Variants in CYRIB observed in about 807,000 individuals in gnomAD.
The protein encoded by CYRIB is CYFIP related Rac1 interactor B.
In CYRIB, 8 loss-of-function variants were observed where a neutral mutation model predicts 44.2. The ratio of observed to expected loss-of-function variants is 0.18; its 90% CI spans 0.11 to 0.33. The LOEUF (loss-of-function observed/expected upper bound fraction) is 0.33. CYRIB is among the 10% of genes least tolerant of loss of function. The probability of loss-of-function intolerance (pLI) is 1.00; values close to 1 mark genes in which losing one functional copy is unlikely to be tolerated. For synonymous variants in CYRIB, 131 were observed against 127.2 expected (o/e 1.03, Z -0.20); for missense variants, 185 against 382.8 (o/e 0.48, Z 4.31).
At chr8:129,842,035 TA>T in exon 12 of CYRIB, 2 of 767,748 alleles carry the variant, frequency 2.6e-6, no homozygotes, top group Non-Finnish European at 4.3e-6. Flanking sequence ...AGGAAAGAAA[TA>T]AAAGCAAGAA....
At chr8:129,857,480 G>C (rs112265138) in intron 5 of CYRIB, among the ~76,000 whole-genome samples, 24 of 152,316 alleles carry the variant, frequency 1.6e-4, no homozygotes, top group African/African-American at 5.5e-4. Flanking sequence ...CAGAGGGCAA[G>C]GAGGAGGGTA....
At chr8:129,949,279 A>G (rs1290412905) in intron 2 of CYRIB, 1 of 152,190 alleles carries the variant, frequency 6.6e-6, no homozygotes, top group Non-Finnish European at 1.5e-5. Flanking sequence ...TCTCTGATCA[A>G]TTGCTTAGTT....
chr8:129,904,218 A>G lies in CYRIB; in HGVS notation c.-49-868T>C, dbSNP rs939290988. On this transcript the variant is annotated intron_variant, in intron 1 of 11. Transcript: ENST00000519824. ...AAGCCTCATGTTTTCACTCTAGCTG[A>G]GGTACCTCCTCCTGATTGTACTATC... Among the ~76,000 whole-genome samples the G allele has an allele frequency of 1.3e-5, 2 of 152,172 alleles. 1 individual carries two copies. Among genetic ancestry groups the G allele is most frequent in the South Asian group, 4.1e-4 (2 of 4,826 alleles).
chr8:129,922,046 A>G (rs1285282938), intron 1 of CYRIB, among the ~76,000 whole-genome samples: 1 of 152,222 alleles, frequency 6.6e-6, no homozygotes, highest in Non-Finnish European at 1.5e-5. Context: ...GAAATGGTTC[A>G]CAGTGGCAAC....
At chr8:129,958,872 T>C (rs1281827042) in intron 2 of CYRIB, among the ~76,000 whole-genome samples, 3 of 151,268 alleles carry the variant, frequency 2.0e-5, no homozygotes, top group East Asian at 3.9e-4. Context: ...AAGACCAGCC[T>C]GGCCAAGATG....
At chr8:129,898,787 A>G (rs1021195947) in intron 2 of CYRIB, among the ~76,000 whole-genome samples, 1 of 152,222 alleles carries the variant, frequency 6.6e-6, no homozygotes. Context: ...TGCTAAAAAG[A>G]GTCCAGCAGA....
chr8:129,971,615 G>A (rs1484141277), intron 1 of CYRIB, among the ~76,000 whole-genome samples: 6 of 152,186 alleles, frequency 3.9e-5, no homozygotes, highest in African/African-American at 1.4e-4. Flanking sequence ...AGCATATATG[G>A]TGGGGCCAGC....
intron 1 of CYRIB, among the ~76,000 whole-genome samples, chr8:129,974,002 C>G (rs4733754): frequency 1.3e-4 from 19 of 151,808 alleles, no homozygotes; most frequent in Non-Finnish European, 2.8e-4. Flanking sequence ...CCCCCACACC[C>G]GGTACTATGC....
chr8:129,903,588 T>TAAGACAACCCAG (rs1246583889), intron 1 of CYRIB, among the ~76,000 whole-genome samples: 2 of 152,196 alleles, frequency 1.3e-5, no homozygotes, highest in African/African-American at 4.8e-5. Context: ...ACAACCCAGT[T>TAAGACAACCCAG]GTCACCGTCA....
At chr8:130,012,251 T>G (rs2097240919) in intron 1 of CYRIB, among the ~76,000 whole-genome samples, 1 of 152,158 alleles carries the variant, frequency 6.6e-6, no homozygotes. Context: ...CTCGTCCATG[T>G]ACTCTTCTCG....
At chr8:129,959,982 T>C (rs1361307384) in intron 2 of CYRIB, among the ~76,000 whole-genome samples, 2 of 152,192 alleles carry the variant, frequency 1.3e-5, no homozygotes, top group Non-Finnish European at 2.9e-5. Context: ...GGGAGGATCT[T>C]AAGGAAAGGA....
chr8:129,934,234 T>C (rs902695028), intron 1 of CYRIB, among the ~76,000 whole-genome samples: 9 of 152,106 alleles, frequency 5.9e-5, no homozygotes, highest in Non-Finnish European at 7.4e-5. Flanking sequence ...AATGCCTAAC[T>C]CATGGAGGCC....
At chr8:129,844,276 T>C (rs1363802892) in intron 11 of CYRIB, 1 of 152,252 alleles carries the variant, frequency 6.6e-6, no homozygotes, top group Non-Finnish European at 1.5e-5. Context: ...AAGTTCTCGC[T>C]CCTTCTGTGG....
At chr8:129,950,534 C>T (rs2094450546) in intron 2 of CYRIB, among the ~76,000 whole-genome samples, 2 of 151,490 alleles carry the variant, frequency 1.3e-5, no homozygotes, top group South Asian at 4.2e-4. Context: ...CACGCCACTG[C>T]ACTCCAGCCT....
At position 129,938,656 on chromosome 8, in the gene CYRIB, C is replaced by T. The variant is rs75706653; in HGVS notation, c.-50+952G>A. On this transcript the variant is annotated intron_variant, in intron 1 of 11. Transcript: ENST00000519824. The stretch of plus-strand genomic sequence containing the variant: ...TGACAGATGAGACAACAAAGTCTCA[C>T]CAACAAACATTTCTACAGCAATGTA... 4.0e-3 allele frequency among the ~76,000 whole-genome samples: 611 copies of T among 152,246 alleles called. 6 individuals carry two copies. The highest frequency in any genetic ancestry group is 0.014 in the African/African-American group (574 of 41,530).
At chr8:129,977,533 T>C (rs1357966310) in intron 1 of CYRIB, among the ~76,000 whole-genome samples, 1 of 151,058 alleles carries the variant, frequency 6.6e-6, no homozygotes, top group Admixed American at 6.6e-5. Flanking sequence ...ATATTTGTCC[T>C]CACTCTTTTT....
chr8:129,965,435 T>C (rs752588240), intron 2 of CYRIB, among the ~76,000 whole-genome samples: 1 of 152,218 alleles, frequency 6.6e-6, no homozygotes, highest in Non-Finnish European at 1.5e-5. Flanking sequence ...GAATATATCC[T>C]GAAAATCATT....
intron 1 of CYRIB, among the ~76,000 whole-genome samples, chr8:130,001,168 T>C (rs2133891900): frequency 6.6e-6 from 1 of 152,310 alleles, no homozygotes; most frequent in South Asian, 2.1e-4. Context: ...TGCCTTCGTC[T>C]GTCTGCTCCG....
At chr8:130,003,074 G>A (rs1464987742) in intron 1 of CYRIB, among the ~76,000 whole-genome samples, 1 of 152,156 alleles carries the variant, frequency 6.6e-6, no homozygotes, top group Non-Finnish European at 1.5e-5. Flanking sequence ...TCAAATTAGG[G>A]AACCACTGCT....
Sources: gnomAD v4.1 joint callset for allele counts (sites outside exome capture counted in the v4.1 genomes callset) on GRCh38, gnomAD v4.1.1 for gene constraint, MANE v1.5 for transcripts, NCBI Gene and HGNC (gene_info 2026-07-23, HGNC 2026-07-21) for gene names.